NRXN1: variants seen among roughly 807,000 people sequenced by gnomAD.
NRXN1 encodes the protein neurexin-1.
Under a neutral mutation model 150.9 loss-of-function variants are expected in NRXN1, and 39 were observed. That is an observed-to-expected ratio of 0.26 (90% CI 0.20 to 0.34). NRXN1 has a LOEUF of 0.34. Ranked by LOEUF, NRXN1 falls within the 10% of genes least tolerant of loss-of-function variation. The pLI is 1.00. For missense variants in NRXN1, 1,815 were observed against 1,949.9 expected, an observed-to-expected ratio of 0.93 and a Z score of 1.30; for synonymous variants, 924 against 757.0, an observed-to-expected ratio of 1.22 and a Z score of -3.62.
chr2:50,723,117 TTCTCTCAGCCTTGGTGTAAATC>T, intron 5 of NRXN1, among the ~76,000 whole-genome samples: 1 of 152,222 alleles, frequency 6.6e-6, no homozygotes, highest in South Asian at 2.1e-4. Flanking sequence ...GTGACTTCTA[TTCTCTCAGCCTTGGTGTAAATC>T]CCTGAAAGTG....
At chr2:50,312,689 C>T (rs2075276255) in intron 17 of NRXN1, 1 of 506,050 alleles carries the variant, frequency 2.0e-6, no homozygotes, top group Admixed American at 2.0e-5. Flanking sequence ...TTTGTCACAT[C>T]CTCTCATCTA....
chr2:50,323,088 C>T (rs367827340), intron 17 of NRXN1, among the ~76,000 whole-genome samples: 4 of 152,158 alleles, frequency 2.6e-5, no homozygotes, highest in Non-Finnish European at 5.9e-5. Context: ...TAAAACTTAT[C>T]GGAAGCTTTC....
At chr2:50,154,193 C>G (rs992983606) in intron 18 of NRXN1, among the ~76,000 whole-genome samples, 3 of 151,266 alleles carry the variant, frequency 2.0e-5, no homozygotes, top group African/African-American at 7.3e-5. Flanking sequence ...ATTTTTTATC[C>G]TAATCTACAT....
intron 17 of NRXN1, among the ~76,000 whole-genome samples, chr2:50,351,198 GGT>G (rs1326468778): frequency 2.6e-5 from 4 of 152,170 alleles, no homozygotes; most frequent in African/African-American, 7.2e-5. Context: ...TTGAAGAACT[GGT>G]TGGAGGAAAC....
chr2:50,786,826 C>T (rs1705190838), intron 5 of NRXN1, among the ~76,000 whole-genome samples: 1 of 152,122 alleles, frequency 6.6e-6, no homozygotes, highest in Non-Finnish European at 1.5e-5. Flanking sequence ...AACCTTCCCT[C>T]AAATTAGCTT....
intron 18 of NRXN1, among the ~76,000 whole-genome samples, chr2:50,200,605 C>T (rs528344429): frequency 6.6e-6 from 1 of 152,098 alleles, no homozygotes; most frequent in Admixed American, 6.6e-5. Flanking sequence ...TTCTAAAACT[C>T]TCTAGCTAAC....
intron 5 of NRXN1, among the ~76,000 whole-genome samples, chr2:50,701,179 ACTAT>A (rs930142905): frequency 3.9e-5 from 6 of 152,210 alleles, no homozygotes; most frequent in South Asian, 4.2e-4. Flanking sequence ...TAATATTTCT[ACTAT>A]CTAATTTTTT....
intron 5 of NRXN1, among the ~76,000 whole-genome samples, chr2:50,863,003 A>G (rs1676364004): frequency 6.6e-6 from 1 of 152,072 alleles, no homozygotes; most frequent in Non-Finnish European, 1.5e-5. Flanking sequence ...GAGCATTTTT[A>G]TAATTCTAGA....
intron 6 of NRXN1, among the ~76,000 whole-genome samples, chr2:50,621,646 G>A (rs1222767430): frequency 3.9e-5 from 6 of 152,052 alleles, no homozygotes; most frequent in South Asian, 2.1e-4. Context: ...GCAGCCCTAT[G>A]CCCATACTTG....
At chr2:50,296,940 T>A (rs937599052) in intron 17 of NRXN1, among the ~76,000 whole-genome samples, 3 of 148,668 alleles carry the variant, frequency 2.0e-5, no homozygotes, top group Non-Finnish European at 4.4e-5. Context: ...TGGAGTGCAG[T>A]GGCACAACCC....
At chr2:50,091,200 G>T in intron 19 of NRXN1, 123 bp downstream of exon 19, 2 of 1,108,332 alleles carry the variant, frequency 1.8e-6, no homozygotes, top group Non-Finnish European at 2.7e-6. Context: ...TGACTCTAAA[G>T]TCCAATAAAT....
At chr2:50,950,151 C>G (rs761293012) in intron 2 of NRXN1, among the ~76,000 whole-genome samples, 1 of 152,036 alleles carries the variant, frequency 6.6e-6, no homozygotes, top group African/African-American at 2.4e-5. Context: ...CCATAGTAAT[C>G]TGGGAAAGTG....
chr2:50,115,669 T>C (rs781059324), intron 18 of NRXN1, among the ~76,000 whole-genome samples: 2 of 151,948 alleles, frequency 1.3e-5, no homozygotes, highest in South Asian at 4.1e-4. Flanking sequence ...AAAAATTCAG[T>C]TGGACAAAAG....
rs778814724 is a variant in NRXN1 at position 50,701,507 on chromosome 2, G to A, written c.833-77892C>T. 7.9e-5 allele frequency among the ~76,000 whole-genome samples: 12 copies of A among 152,216 alleles called. No individual in the cohort carries two copies. The South Asian group carries it at 2.5e-3, about 32-fold the overall frequency. On this transcript the variant is annotated intron_variant, in intron 5 of 22. Coordinates refer to ENST00000401669, the MANE Select transcript of NRXN1 (RefSeq NM_001330078.2). ...TGCCTACATATATACTGACACTTGA[G>A]AGTCTTGCATTTTTCTGAATGGTAT...
intron 5 of NRXN1, among the ~76,000 whole-genome samples, chr2:50,830,731 T>C (rs1671292705): frequency 6.7e-6 from 1 of 149,958 alleles, no homozygotes; most frequent in Non-Finnish European, 1.5e-5. Context: ...ACTAGATTCC[T>C]ATAAGAGGTC....
At chr2:50,019,555 T>C (rs1259221135) in intron 21 of NRXN1, among the ~76,000 whole-genome samples, 4 of 131,026 alleles carry the variant, frequency 3.1e-5, no homozygotes, top group Non-Finnish European at 4.7e-5. Flanking sequence ...AGGCAGAGAA[T>C]TGCTTGAACC....
chr2:50,026,859 CTTTTTTTTTTTTTTTTTTTTTTT>C (rs57580154), intron 21 of NRXN1, among the ~76,000 whole-genome samples: 6 of 65,234 alleles, frequency 9.2e-5, no homozygotes, highest in East Asian at 1.2e-3. Flanking sequence ...CTTTTCTTTT[CTTTTTTTTTTTTTTTTTTTTTTT>C]TTTTTTTTTT....
chr2:50,972,027 A>G (rs187324966), intron 2 of NRXN1, among the ~76,000 whole-genome samples: 31 of 152,104 alleles, frequency 2.0e-4, no homozygotes, highest in African/African-American at 7.0e-4. Context: ...GATATCCTGG[A>G]GACTCAAAAT....
intron 22 of NRXN1, among the ~76,000 whole-genome samples, chr2:49,936,123 G>T (rs143122779): frequency 6.6e-6 from 1 of 152,286 alleles, no homozygotes; most frequent in African/African-American, 2.4e-5. Flanking sequence ...GTTGCTTATT[G>T]TAGGAGGTTT....
Sources: gnomAD v4.1 joint callset for allele counts (sites outside exome capture counted in the v4.1 genomes callset) on GRCh38, gnomAD v4.1.1 for gene constraint, MANE v1.5 for transcripts, NCBI Gene and HGNC (gene_info 2026-07-23, HGNC 2026-07-21) for gene names.